The following MSRA variants were observed in gnomAD, a reference collection of about 807,000 sequenced individuals.
MSRA encodes the protein methionine sulfoxide reductase A, also known as mitochondrial peptide methionine sulfoxide reductase.
In MSRA, 54 loss-of-function variants were observed where a neutral mutation model predicts 31.3. That is an observed-to-expected ratio of 1.73 (90% CI 1.39 to 2.17). The LOEUF (loss-of-function observed/expected upper bound fraction) is 2.17. Ranked by LOEUF, MSRA falls within the 30% of genes most tolerant of loss-of-function variation. MSRA has a pLI of 0.00. For synonymous variants in MSRA, 169 were observed against 116.5 expected, an observed-to-expected ratio of 1.45 and a Z score of -2.90; for missense variants, 507 against 300.9, an observed-to-expected ratio of 1.69 and a Z score of -5.07.
chr8:10,226,637 G>C (rs1049146832), intron 2 of MSRA, among the ~76,000 whole-genome samples: 1 of 152,220 alleles, frequency 6.6e-6, no homozygotes, highest in East Asian at 1.9e-4. Context: ...TTAGGAAATA[G>C]AAAATTACTA....
intron 1 of MSRA, among the ~76,000 whole-genome samples, chr8:10,059,891 C>T (rs796607532): frequency 1.7e-4 from 26 of 152,300 alleles, no homozygotes; most frequent in African/African-American, 6.3e-4. Context: ...CTCAACTTCA[C>T]TTATAATGAG....
At chr8:10,418,772 G>A (rs771998413) in intron 5 of MSRA, among the ~76,000 whole-genome samples, 2 of 119,546 alleles carry the variant, frequency 1.7e-5, no homozygotes, top group Non-Finnish European at 3.2e-5. Flanking sequence ...ACTTAAAAAT[G>A]GCTAAGATAG....
intron 1 of MSRA, among the ~76,000 whole-genome samples, chr8:10,071,739 C>T (rs139569101): frequency 3.0e-3 from 453 of 152,262 alleles, no homozygotes; most frequent in Non-Finnish European, 5.0e-3. Context: ...AAACAGAACT[C>T]TGTGTACTGG....
intron 2 of MSRA, among the ~76,000 whole-genome samples, chr8:10,229,910 T>C (rs1318316282): frequency 6.6e-6 from 1 of 152,200 alleles, no homozygotes; most frequent in Non-Finnish European, 1.5e-5. Context: ...CCTCCCCATA[T>C]AATCAGTGAA....
At chr8:10,346,884 C>G (rs916987486) in intron 5 of MSRA, among the ~76,000 whole-genome samples, 1 of 152,130 alleles carries the variant, frequency 6.6e-6, no homozygotes, top group Non-Finnish European at 1.5e-5. Context: ...GCTCCCTGGG[C>G]TGGTTGCTGC....
chr8:10,346,345 T>A (rs1230655522), intron 5 of MSRA, among the ~76,000 whole-genome samples: 1 of 152,204 alleles, frequency 6.6e-6, no homozygotes, highest in Admixed American at 6.5e-5. Flanking sequence ...TCATGGCTTA[T>A]AAGGTCCTCT....
At chr8:10,278,863 T>C (rs1799465936) in intron 3 of MSRA, among the ~76,000 whole-genome samples, 1 of 152,216 alleles carries the variant, frequency 6.6e-6, no homozygotes, top group South Asian at 2.1e-4. Flanking sequence ...TAATTTGACT[T>C]GTGGCTTAGT....
At chr8:10,098,571 G>T (rs1243040982) in intron 1 of MSRA, among the ~76,000 whole-genome samples, 2 of 152,030 alleles carry the variant, frequency 1.3e-5, no homozygotes, top group African/African-American at 4.8e-5. Context: ...AAATTTAAAC[G>T]CCTAGATAGA....
intron 5 of MSRA, among the ~76,000 whole-genome samples, chr8:10,423,161 C>G (rs1049283101): frequency 6.6e-6 from 1 of 152,168 alleles, no homozygotes; most frequent in Non-Finnish European, 1.5e-5. Flanking sequence ...AGGGGAGAGG[C>G]CACCAGGCTG....
chr8:10,341,671 A>T (rs574908972), intron 5 of MSRA, among the ~76,000 whole-genome samples: 1 of 152,290 alleles, frequency 6.6e-6, no homozygotes, highest in African/African-American at 2.4e-5. Context: ...TGGATAGGTA[A>T]CTTAACCTCT....
intron 3 of MSRA, among the ~76,000 whole-genome samples, chr8:10,283,420 C>T (rs570287026): frequency 5.9e-5 from 9 of 152,146 alleles, no homozygotes; most frequent in Admixed American, 5.2e-4. Context: ...AATGTCCTAT[C>T]TACTGCTTTT....
intron 2 of MSRA, among the ~76,000 whole-genome samples, chr8:10,236,437 G>GT (rs1242372902): frequency 1.3e-5 from 2 of 152,156 alleles, no homozygotes; most frequent in Non-Finnish European, 2.9e-5. Context: ...AAATCAGGGT[G>GT]TTTTTATACA....
chr8:10,250,395 G>T (rs1463477667), intron 3 of MSRA: 3 of 701,862 alleles, frequency 4.3e-6, no homozygotes, highest in Non-Finnish European at 7.8e-6. Flanking sequence ...CATTCACTGG[G>T]TAATATCTTT....
chr8:10,148,418 A>G (rs778630332), intron 1 of MSRA, among the ~76,000 whole-genome samples: 11 of 151,952 alleles, frequency 7.2e-5, no homozygotes, highest in Admixed American at 2.0e-4. Flanking sequence ...AGGCTGAGGC[A>G]GGCAGATCAC....
chr8:10,361,031 C>T (rs1035213125), intron 5 of MSRA, among the ~76,000 whole-genome samples: 8 of 152,226 alleles, frequency 5.3e-5, no homozygotes, highest in Admixed American at 3.3e-4. Context: ...TAAACAGCCT[C>T]ACCTTGGCTG....
intron 5 of MSRA, among the ~76,000 whole-genome samples, chr8:10,332,967 G>A (rs796413946): frequency 1.1e-4 from 17 of 152,298 alleles, no homozygotes; most frequent in African/African-American, 2.2e-4. Flanking sequence ...TGCAGATGCC[G>A]GTATCAGTCT....
At chr8:10,109,760 TGAG>T (rs1234397556) in intron 1 of MSRA, among the ~76,000 whole-genome samples, 2 of 152,248 alleles carry the variant, frequency 1.3e-5, no homozygotes, top group Non-Finnish European at 2.9e-5. Context: ...AGCATTTTAA[TGAG>T]GAGATGAAGT....
At chr8:10,399,473 G>C (rs186954912) in intron 5 of MSRA, among the ~76,000 whole-genome samples, 13 of 152,266 alleles carry the variant, frequency 8.5e-5, no homozygotes, top group African/African-American at 2.4e-4. Flanking sequence ...TGAGGGTGTG[G>C]TGCCTCTCCG....
intron 5 of MSRA, among the ~76,000 whole-genome samples, chr8:10,350,208 C>T (rs1804039730): frequency 6.6e-6 from 1 of 152,262 alleles, no homozygotes; most frequent in African/African-American, 2.4e-5. Context: ...TGATGCTTCT[C>T]ACAAAGACAC....
Sources: gnomAD v4.1 joint callset for allele counts (sites outside exome capture counted in the v4.1 genomes callset) on GRCh38, gnomAD v4.1.1 for gene constraint, MANE v1.5 for transcripts, NCBI Gene and HGNC (gene_info 2026-07-23, HGNC 2026-07-21) for gene names.